Variants in AEBP2 observed in about 807,000 individuals in gnomAD.
AEBP2 encodes the protein AE binding protein 2, also known as zinc finger protein AEBP2.
A neutral mutation model predicts 50.8 loss-of-function variants in AEBP2; 10 were observed. The ratio of observed to expected loss-of-function variants is 0.20; its 90% CI spans 0.12 to 0.33. The LOEUF (loss-of-function observed/expected upper bound fraction) is 0.33. Ranked by LOEUF, AEBP2 falls within the 10% of genes least tolerant of loss-of-function variation. AEBP2 has a pLI of 1.00. For synonymous variants in AEBP2, 296 were observed against 261.3 expected (o/e 1.13, Z -1.28); for missense variants, 570 against 688.0 (o/e 0.83, Z 1.92).
At chr12:19,453,410 G>C (rs576313385) in intron 1 of AEBP2, among the ~76,000 whole-genome samples, 1 of 148,078 alleles carries the variant, frequency 6.8e-6, no homozygotes, top group East Asian at 2.0e-4. Flanking sequence ...GAACCACTGT[G>C]CCTGACCTAT....
intron 1 of AEBP2, among the ~76,000 whole-genome samples, chr12:19,454,686 A>G (rs1948234321): frequency 2.0e-5 from 3 of 152,164 alleles, no homozygotes; most frequent in Non-Finnish European, 2.9e-5. Flanking sequence ...GTTAGATATT[A>G]CAGTGCTTGC....
Position 19,489,158 on chromosome 12 carries a change from C to T in AEBP2, c.988-4642C>T, listed in dbSNP as rs189796874. 3.5e-4 allele frequency among the ~76,000 whole-genome samples: 53 copies of T among 152,214 alleles called. 1 individual carries two copies. The highest frequency in any genetic ancestry group is 6.5e-4 in the Non-Finnish European group (44 of 68,010). On this transcript the variant is annotated intron_variant, in intron 3 of 7. Coordinates refer to ENST00000266508, the MANE Select transcript of AEBP2 (RefSeq NM_153207.5). ...AAAACAGTCAATGTTTGTATTAGTC[C>T]GTTTTTCACACTGCTATAAAGATAC... is the stretch of plus-strand genomic sequence containing the variant.
intron 5 of AEBP2, among the ~76,000 whole-genome samples, chr12:19,502,894 C>T (rs530206090): frequency 1.8e-4 from 27 of 152,086 alleles, no homozygotes; most frequent in Non-Finnish European, 2.9e-4. Context: ...GTGATCCAGC[C>T]GCTTCAGCTT....
At chr12:19,457,632 G>C in intron 1 of AEBP2, 2 of 1,406,916 alleles carry the variant, frequency 1.4e-6, no homozygotes, top group Non-Finnish European at 1.9e-6. Context: ...GTGGATATGA[G>C]TCTTTTCCTT....
At chr12:19,448,865 A>G (rs959300390) in intron 1 of AEBP2, among the ~76,000 whole-genome samples, 13 of 151,974 alleles carry the variant, frequency 8.6e-5, no homozygotes, top group African/African-American at 3.1e-4. Context: ...TTTTTTGTAG[A>G]GATGGGGTCT....
chr12:19,465,906 C>T (rs1489106194), intron 2 of AEBP2, among the ~76,000 whole-genome samples: 3 of 151,162 alleles, frequency 2.0e-5, no homozygotes, highest in Non-Finnish European at 2.9e-5. Context: ...ATTCTGCTGC[C>T]TCAGCATCTT....
At chr12:19,493,276 G>A (rs553824254) in intron 3 of AEBP2, among the ~76,000 whole-genome samples, 5 of 152,068 alleles carry the variant, frequency 3.3e-5, no homozygotes, top group East Asian at 3.9e-4. Context: ...TAGCACACAC[G>A]TGTAATCCCA....
At chr12:19,461,201 A>G (rs958082765) in intron 1 of AEBP2, among the ~76,000 whole-genome samples, 1 of 152,208 alleles carries the variant, frequency 6.6e-6, no homozygotes, top group African/African-American at 2.4e-5. Flanking sequence ...AATTGCAAGC[A>G]GATACACACC....
At position 19,519,408 on chromosome 12, in the gene AEBP2, C is replaced by G. The variant is rs912805741; in HGVS notation, c.*1291C>G. ...TTTCACAGACTTAAGGGACTATGTA[C>G]TACTGTTAATATCTCTAAGAACAAA... On this transcript the variant is annotated 3_prime_UTR_variant, in exon 8 of 8. Coordinates refer to ENST00000266508, the MANE Select transcript of AEBP2 (RefSeq NM_153207.5). 6.6e-6 allele frequency: 1 copy of G among 152,544 alleles called. No homozygotes were observed. Among genetic ancestry groups the G allele is most frequent in the African/African-American group, 2.4e-5 (1 of 41,442 alleles). The allele number at this position is 152,544 out of a possible 1,614,324, so 9.4% of individuals were successfully genotyped here. A position where few individuals can be genotyped will look rare whatever the true frequency, so the allele number is the denominator to read the frequency against.
chr12:19,512,142 C>T (rs1026960442), intron 5 of AEBP2, among the ~76,000 whole-genome samples: 1 of 152,084 alleles, frequency 6.6e-6, no homozygotes, highest in Non-Finnish European at 1.5e-5. Context: ...CTGCCTCAGC[C>T]TCCTGAGTAG....
chr12:19,463,936 G>A (rs1948424903), intron 2 of AEBP2, among the ~76,000 whole-genome samples: 1 of 152,116 alleles, frequency 6.6e-6, no homozygotes, highest in Non-Finnish European at 1.5e-5. Context: ...AGAGTGCTGG[G>A]ATTACAGGCG....
At position 19,439,567 on chromosome 12, in the gene AEBP2, C is replaced by T. The variant is rs1947901561; in HGVS notation, c.-133C>T. The T allele has an allele frequency of 8.2e-7, 1 of 1,220,182 alleles. No individual in the cohort carries two copies. Among genetic ancestry groups the T allele is most frequent in the Non-Finnish European group, 1.1e-6 (1 of 911,044 alleles). 75.6% of individuals were successfully genotyped at this position (1,220,182 alleles called of 1,614,324 possible). A position where few individuals can be genotyped will look rare whatever the true frequency, so the allele number is the denominator to read the frequency against. On this transcript the variant is annotated 5_prime_UTR_variant, in exon 1 of 8. Transcript: ENST00000266508. ...GTAGCGCGTGTGCAGGCTGACGCAG[C>T]TCGCGGGCCCTCCTCCTGCTCTGCA...
intron 1 of AEBP2, among the ~76,000 whole-genome samples, chr12:19,426,720 A>T (rs1376719947): frequency 6.6e-6 from 1 of 152,104 alleles, no homozygotes; most frequent in East Asian, 1.9e-4. Flanking sequence ...CCTGGCCAAC[A>T]TGGTGAAACC....
intron 3 of AEBP2, among the ~76,000 whole-genome samples, chr12:19,488,379 C>T (rs932890447): frequency 2.0e-5 from 3 of 150,820 alleles, no homozygotes; most frequent in African/African-American, 7.3e-5. Flanking sequence ...CCGCTCACCT[C>T]GGCCTCCCAA....
intron 1 of AEBP2, among the ~76,000 whole-genome samples, chr12:19,418,737 T>C (rs1014469467): frequency 3.9e-5 from 6 of 152,152 alleles, no homozygotes; most frequent in Non-Finnish European, 8.8e-5. Flanking sequence ...CTTGGGCATG[T>C]GTGGTCAGGA....
In AEBP2 at chr12:19,456,858, A is replaced by G. The variant is rs1948278195; in HGVS notation, c.672-5652A>G. 2.6e-6 allele frequency: 4 copies of G among 1,523,452 alleles called. No individual in the cohort carries two copies. In the Admixed American group the frequency reaches 5.0e-5, roughly 19 times the overall value. 94.4% of individuals were successfully genotyped at this position (1,523,452 alleles called of 1,614,324 possible). A position where few individuals can be genotyped will look rare whatever the true frequency, so the allele number is the denominator to read the frequency against. ...CACTCGGCCAACAGGAACAGTACCA[A>G]TACCACCAATTTTTGTAGACATCCT... On this transcript the variant is annotated intron_variant, in intron 1 of 7. Transcript: ENST00000266508.
chr12:19,511,677 T>C (rs1308829327), intron 5 of AEBP2, among the ~76,000 whole-genome samples: 1 of 152,174 alleles, frequency 6.6e-6, no homozygotes, highest in Non-Finnish European at 1.5e-5. Flanking sequence ...TGGGTATTAA[T>C]GAGTACAGTT....
chr12:19,468,034 C>G (rs966987340), intron 2 of AEBP2, among the ~76,000 whole-genome samples: 1 of 150,474 alleles, frequency 6.6e-6, no homozygotes, highest in African/African-American at 2.4e-5. Context: ...GATGATAGAG[C>G]AAGACTCTGT....
chr12:19,460,971 T>G (rs959038526), intron 1 of AEBP2, among the ~76,000 whole-genome samples: 1 of 152,142 alleles, frequency 6.6e-6, no homozygotes, highest in Non-Finnish European at 1.5e-5. Flanking sequence ...TCTTTTTTTT[T>G]AAGAAGGTAT....
Sources: gnomAD v4.1 joint callset for allele counts (sites outside exome capture counted in the v4.1 genomes callset) on GRCh38, gnomAD v4.1.1 for gene constraint, MANE v1.5 for transcripts, NCBI Gene and HGNC (gene_info 2026-07-23, HGNC 2026-07-21) for gene names.